The following PTPRZ1 variants were observed in gnomAD, a reference collection of about 807,000 sequenced individuals.
The protein encoded by PTPRZ1 is receptor-type tyrosine-protein phosphatase zeta.
A neutral mutation model predicts 214.1 loss-of-function variants in PTPRZ1; 82 were observed. The ratio of observed to expected loss-of-function variants is 0.38; its 90% CI spans 0.32 to 0.46. The LOEUF (loss-of-function observed/expected upper bound fraction) is 0.46. PTPRZ1 is among the 20% of genes least tolerant of loss of function. PTPRZ1 has a pLI of 1.00. For missense variants in PTPRZ1, 2,603 were observed against 2,748.7 expected (o/e 0.95, Z 1.19); for synonymous variants, 945 against 987.9 (o/e 0.96, Z 0.81).
intron 14 of PTPRZ1, among the ~76,000 whole-genome samples, chr7:122,029,421 C>T (rs1799306014): frequency 6.6e-6 from 1 of 151,860 alleles, no homozygotes; most frequent in Non-Finnish European, 1.5e-5. Context: ...ATATTCAAGC[C>T]ACTTATTTAA....
chr7:121,943,465 A>T (rs1412639242), intron 2 of PTPRZ1, among the ~76,000 whole-genome samples: 1 of 152,038 alleles, frequency 6.6e-6, no homozygotes, highest in Non-Finnish European at 1.5e-5. Context: ...CCTCCCAAGT[A>T]GCTGGGACTA....
chr7:121,905,920 T>C (rs985997769), intron 1 of PTPRZ1, among the ~76,000 whole-genome samples: 9 of 152,152 alleles, frequency 5.9e-5, no homozygotes, highest in Non-Finnish European at 1.3e-4. Flanking sequence ...CAAGAGGCAC[T>C]GATGATAGTG....
chr7:121,920,351 C>T (rs942772629), intron 1 of PTPRZ1, among the ~76,000 whole-genome samples: 1 of 152,124 alleles, frequency 6.6e-6, no homozygotes, highest in South Asian at 2.1e-4. Context: ...TAACATAATA[C>T]ATAAATATAA....
intron 1 of PTPRZ1, among the ~76,000 whole-genome samples, chr7:121,909,520 G>A (rs1795210515): frequency 6.6e-6 from 1 of 152,146 alleles, no homozygotes; most frequent in Non-Finnish European, 1.5e-5. Flanking sequence ...GAGAAAATTA[G>A]CAATTGGTCC....
chr7:121,878,362 C>T (rs548323198), intron 1 of PTPRZ1, among the ~76,000 whole-genome samples: 13 of 152,186 alleles, frequency 8.5e-5, no homozygotes, highest in African/African-American at 1.7e-4. Context: ...CAACAAAAAA[C>T]GCTGGTAAAA....
At chr7:122,049,000 C>T (rs1017908952) in intron 23 of PTPRZ1, among the ~76,000 whole-genome samples, 3 of 152,006 alleles carry the variant, frequency 2.0e-5, no homozygotes, top group South Asian at 4.1e-4. Context: ...TCTTTAATAT[C>T]ATGAGCAAGT....
At chr7:121,967,337 C>T (rs533863508) in intron 2 of PTPRZ1, among the ~76,000 whole-genome samples, 57 of 152,132 alleles carry the variant, frequency 3.7e-4, no homozygotes, top group African/African-American at 1.3e-3. Flanking sequence ...TTAAGGACAG[C>T]CTGATGATTA....
chr7:121,984,714 G>A (rs539541974), intron 8 of PTPRZ1, among the ~76,000 whole-genome samples: 1 of 152,156 alleles, frequency 6.6e-6, no homozygotes, highest in African/African-American at 2.4e-5. Context: ...TTCTTTGGAG[G>A]AAAAGAAATT....
chr7:121,903,964 T>TCACACACA lies in PTPRZ1; in HGVS notation c.59-24191_59-24190insACACACAC, dbSNP rs200372497. Among the ~76,000 whole-genome samples, 218 of 81,658 alleles carry TCACACACA rather than the reference T, an allele frequency of 2.7e-3. 1 individual carries two copies. Among genetic ancestry groups the TCACACACA allele is most frequent in the African/African-American group, 0.011 (203 of 17,926 alleles). The allele number at this position is 81,658 out of a possible 152,430, so 53.6% of individuals were successfully genotyped here. ...GCAGGATTCTGTTCCAGTCTTTAAATCTCACACACACACACACACACACAC... is the reference window on the plus strand; with the variant it reads ...GCAGGATTCTGTTCCAGTCTTTAAATCACACACACTCACACACACACACACACACACAC... On this transcript the variant is annotated intron_variant, in intron 1 of 29. Coordinates refer to ENST00000393386, the MANE Select transcript of PTPRZ1 (RefSeq NM_002851.3).
At chr7:121,888,575 C>T (rs1338382983) in intron 1 of PTPRZ1, among the ~76,000 whole-genome samples, 1 of 151,944 alleles carries the variant, frequency 6.6e-6, no homozygotes, top group Non-Finnish European at 1.5e-5. Flanking sequence ...ATGGATCCAC[C>T]AAAATATGTG....
At chr7:121,976,426 T>C (rs964792954) in intron 5 of PTPRZ1, among the ~76,000 whole-genome samples, 158 bp downstream of exon 5, 11 of 152,148 alleles carry the variant, frequency 7.2e-5, no homozygotes, top group Non-Finnish European at 1.3e-4. Flanking sequence ...TGCCTGGTAT[T>C]TTTAAAAGGA....
chr7:121,964,835 C>A (rs1243228654), intron 2 of PTPRZ1, among the ~76,000 whole-genome samples: 1 of 151,876 alleles, frequency 6.6e-6, no homozygotes, highest in Non-Finnish European at 1.5e-5. Context: ...GAGAGTATTG[C>A]GGGAATAGGT....
At chr7:122,058,976 C>T (rs1469758527) in intron 28 of PTPRZ1, 34 bp downstream of exon 28, 3 of 1,523,356 alleles carry the variant, frequency 2.0e-6, no homozygotes, top group Non-Finnish European at 2.7e-6. Context: ...TTCACACCTG[C>T]ACATTTTCTG....
chr7:122,009,487 G>A (rs1160431418), intron 11 of PTPRZ1, among the ~76,000 whole-genome samples: 1 of 150,444 alleles, frequency 6.6e-6, no homozygotes, highest in African/African-American at 2.4e-5. Context: ...GATAACTTTG[G>A]CAATTGAGTT....
chr7:122,011,836 G>A lies in PTPRZ1; in HGVS notation c.2790G>A (p.Leu930=), dbSNP rs1798675885. The A allele has an allele frequency of 1.2e-6, 2 of 1,613,892 alleles. No homozygotes were observed. The highest frequency in any genetic ancestry group is 1.7e-6 in the Non-Finnish European group (2 of 1,179,788). ...CAGGGCCTGAACCTTCTTATGCCTT[G>A]TCTGATAATGAGGGCTCCCAACACA... ...RSSGPEPSYA[L]SDNEGSQHIF... The change falls in exon 12 of 30, where the codon TTG becomes TTA. Residue 930 remains leucine, a synonymous_variant. Transcript: ENST00000393386.
rs895041046 is a variant in PTPRZ1 at position 122,042,843 on chromosome 7, A to G, written c.5937+100A>G. On this transcript the variant is annotated intron_variant, in intron 22 of 29. Coordinates refer to ENST00000393386, the MANE Select transcript of PTPRZ1 (RefSeq NM_002851.3). ...CTAGGACTGCAAAACAAAGTAATAC[A>G]AACTGGGTGGGTTAGAACAACAGAA... is the stretch of plus-strand genomic sequence containing the variant. 5 of 1,296,054 alleles carry G rather than the reference A, an allele frequency of 3.9e-6. No homozygotes were observed. In the Admixed American group the frequency reaches 9.6e-5, roughly 25 times the overall value. 80.3% of individuals were successfully genotyped at this position (1,296,054 alleles called of 1,614,324 possible).
At chr7:121,964,770 G>T (rs1159708617) in intron 2 of PTPRZ1, among the ~76,000 whole-genome samples, 3 of 152,170 alleles carry the variant, frequency 2.0e-5, no homozygotes, top group African/African-American at 7.2e-5. Flanking sequence ...TGCTTTTGAG[G>T]AGAGATTTGA....
At chr7:121,940,826 T>A (rs1307060014) in intron 2 of PTPRZ1, among the ~76,000 whole-genome samples, 2 of 152,098 alleles carry the variant, frequency 1.3e-5, no homozygotes, top group Non-Finnish European at 2.9e-5. Flanking sequence ...AAAGGGCTCT[T>A]TAGCTTGGCA....
At chr7:121,935,035 T>C (rs1796033943) in intron 2 of PTPRZ1, among the ~76,000 whole-genome samples, 2 of 152,190 alleles carry the variant, frequency 1.3e-5, no homozygotes, top group African/African-American at 4.8e-5. Context: ...ATTTAGTCAT[T>C]CCACCGTGTA....
Sources: gnomAD v4.1 joint callset for allele counts (sites outside exome capture counted in the v4.1 genomes callset) on GRCh38, gnomAD v4.1.1 for gene constraint, MANE v1.5 for transcripts, NCBI Gene and HGNC (gene_info 2026-07-23, HGNC 2026-07-21) for gene names.